CDK15: variants seen among roughly 807,000 people sequenced by gnomAD.
CDK15 encodes the protein cyclin dependent kinase 15.
A neutral mutation model predicts 60.3 loss-of-function variants in CDK15; 62 were observed. The ratio of observed to expected loss-of-function variants is 1.03; its 90% CI spans 0.84 to 1.27. The LOEUF is 1.27. CDK15 is among the 50% of genes most tolerant of loss of function. CDK15 has a pLI of 0.00. For synonymous variants in CDK15, 194 were observed against 195.7 expected (o/e 0.99, Z 0.07); for missense variants, 541 against 527.8 (o/e 1.03, Z -0.25).
At chr2:201,854,977 T>G (rs1698084056) in intron 10 of CDK15, 40 bp downstream of exon 10, 1 of 1,592,070 alleles carries the variant, frequency 6.3e-7, no homozygotes, top group Non-Finnish European at 8.6e-7. Flanking sequence ...TGAGAATTAG[T>G]AATGTAAGGA....
intron 11 of CDK15, among the ~76,000 whole-genome samples, chr2:201,876,808 A>AT (rs547736847): frequency 1.1e-3 from 167 of 152,066 alleles, no homozygotes; most frequent in Non-Finnish European, 1.5e-3. Flanking sequence ...TTCTTATTTT[A>AT]TTTTTTTGAG....
chr2:201,854,680 G>C, intron 9 of CDK15, 194 bp from the exon 10 acceptor site: 1 of 581,010 alleles, frequency 1.7e-6, no homozygotes, highest in Non-Finnish European at 3.1e-6. Context: ...ATGTATTACA[G>C]TTTTGCCCAA....
intron 6 of CDK15, among the ~76,000 whole-genome samples, chr2:201,831,125 A>T (rs948134726): frequency 7.2e-5 from 11 of 152,184 alleles, no homozygotes; most frequent in Non-Finnish European, 1.3e-4. Flanking sequence ...AGGAATAGTC[A>T]GAGGCTTATA....
chr2:201,836,152 T>TTTTATATA (rs373607477), intron 8 of CDK15, among the ~76,000 whole-genome samples: 1 of 104,280 alleles, frequency 9.6e-6, no homozygotes, highest in Non-Finnish European at 1.8e-5. Context: ...ATTATATATA[T>TTTTATATA]TTTATATATT....
At position 201,806,638 on chromosome 2, in the gene CDK15, G is replaced by A. The variant is rs756148667; in HGVS notation, c.-27G>A. 4.2e-5 allele frequency: 66 copies of A among 1,559,168 alleles called. No homozygotes were observed. Among genetic ancestry groups the A allele is most frequent in the Non-Finnish European group, 5.5e-5 (63 of 1,154,692 alleles). On this transcript the variant is annotated 5_prime_UTR_variant, in exon 1 of 14. Coordinates refer to ENST00000652192, the MANE Select transcript of CDK15 (RefSeq NM_001366386.2). Reference sequence around the variant, plus strand: ...GGCAGTGGGGGAAAGGTTCAAGTGCGGGTTTTCTCCTTGAACCTACAAGAT... The same window carrying A: ...GGCAGTGGGGGAAAGGTTCAAGTGCAGGTTTTCTCCTTGAACCTACAAGAT...
intron 10 of CDK15, among the ~76,000 whole-genome samples, chr2:201,871,316 G>A (rs1698844032): frequency 1.3e-5 from 2 of 151,780 alleles, no homozygotes; most frequent in Non-Finnish European, 2.9e-5. Flanking sequence ...CATGCCACCA[G>A]GCTCAGTTGT....
chr2:201,826,340 G>A (rs1403318679), intron 6 of CDK15, among the ~76,000 whole-genome samples: 1 of 150,398 alleles, frequency 6.6e-6, no homozygotes. Flanking sequence ...GGCGCCTGTA[G>A]TCCCAGCTAC....
At chr2:201,876,933 G>T (rs1184779198) in intron 11 of CDK15, among the ~76,000 whole-genome samples, 1 of 152,060 alleles carries the variant, frequency 6.6e-6, no homozygotes, top group Non-Finnish European at 1.5e-5. Context: ...GAGTAGCTGG[G>T]ACTACAGGTG....
chr2:201,866,802 C>T (rs1470872789), intron 10 of CDK15, among the ~76,000 whole-genome samples: 1 of 152,182 alleles, frequency 6.6e-6, no homozygotes, highest in East Asian at 1.9e-4. Context: ...GGGAGAGAGG[C>T]AAGGTCATTC....
intron 8 of CDK15, among the ~76,000 whole-genome samples, chr2:201,837,975 C>T (rs897359274): frequency 1.3e-5 from 2 of 151,996 alleles, no homozygotes; most frequent in African/African-American, 4.8e-5. Context: ...TAGTCAAAAC[C>T]CTCCTGAAAC....
At chr2:201,820,480 A>G (rs1218029830) in intron 4 of CDK15, among the ~76,000 whole-genome samples, 1 of 152,182 alleles carries the variant, frequency 6.6e-6, no homozygotes, top group Non-Finnish European at 1.5e-5. Context: ...CCATCCTCAT[A>G]TCAACCCTAT....
intron 4 of CDK15, among the ~76,000 whole-genome samples, chr2:201,816,398 G>A (rs1695991607): frequency 6.7e-6 from 1 of 149,220 alleles, no homozygotes; most frequent in Non-Finnish European, 1.5e-5. Context: ...CTGTTCCTGG[G>A]TTAATTCACT....
chr2:201,836,186 T>TA (rs1491415671), intron 8 of CDK15, among the ~76,000 whole-genome samples: 158 of 74,252 alleles, frequency 2.1e-3, no homozygotes, highest in African/African-American at 5.9e-3. Context: ...ATTATATATA[T>TA]TTTTTTATAT....
chr2:201,819,177 G>A (rs1696116572), intron 4 of CDK15, among the ~76,000 whole-genome samples: 1 of 152,116 alleles, frequency 6.6e-6, no homozygotes, highest in Non-Finnish European at 1.5e-5. Context: ...TGGAGTAGAG[G>A]GCTGCTATCT....
At chr2:201,835,511 A>G in intron 7 of CDK15, 132 bp from the exon 8 acceptor site, 2 of 1,013,058 alleles carry the variant, frequency 2.0e-6, no homozygotes, top group South Asian at 5.4e-5. Flanking sequence ...GAGTCAAGAT[A>G]GTGATTAGTT....
intron 6 of CDK15, chr2:201,824,836 T>C: frequency 3.4e-6 from 2 of 589,654 alleles, no homozygotes; most frequent in Non-Finnish European, 4.8e-6. Context: ...CAGCAATTGA[T>C]CAAAAAGAAA....
chr2:201,816,774 G>T, intron 4 of CDK15, among the ~76,000 whole-genome samples: 1 of 151,924 alleles, frequency 6.6e-6, no homozygotes, highest in South Asian at 2.1e-4. Flanking sequence ...GCCAAAACAG[G>T]GCCTGGGGGG....
At chr2:201,828,580 C>T (rs1696613511) in intron 6 of CDK15, among the ~76,000 whole-genome samples, 1 of 152,028 alleles carries the variant, frequency 6.6e-6, no homozygotes, top group African/African-American at 2.4e-5. Context: ...TTGTGAGGGA[C>T]ACACTAATAA....
intron 8 of CDK15, among the ~76,000 whole-genome samples, chr2:201,840,206 A>G (rs1026046942): frequency 7.2e-5 from 11 of 152,078 alleles, no homozygotes; most frequent in Non-Finnish European, 1.2e-4. Context: ...GCTGGTTTCG[A>G]ACTTTAGATG....
Sources: allele counts gnomAD v4.1 joint callset (sites outside exome capture counted in the v4.1 genomes callset), GRCh38; gene constraint gnomAD v4.1.1; transcripts MANE v1.5; gene names NCBI Gene and HGNC (gene_info 2026-07-23, HGNC 2026-07-21).